The following RPS20 variants were observed in gnomAD, a reference collection of about 807,000 sequenced individuals.
The protein encoded by RPS20 is small ribosomal subunit protein uS10.
In RPS20, 3 loss-of-function variants were observed where a neutral mutation model predicts 15.3. The observed-to-expected ratio is 0.20, with a 90% confidence interval of 0.09 to 0.51. RPS20 has a LOEUF of 0.51. RPS20 is among the 20% of genes least tolerant of loss of function. The probability of loss-of-function intolerance (pLI) is 0.96; values close to 1 mark genes in which losing one functional copy is unlikely to be tolerated. For synonymous variants in RPS20, 62 were observed against 47.8 expected, an observed-to-expected ratio of 1.30 and a Z score of -1.23; for missense variants, 67 against 145.9, an observed-to-expected ratio of 0.46 and a Z score of 2.79.
downstream of RPS20, among the ~76,000 whole-genome samples, chr8:56,070,384 C>G (rs1391930390): frequency 6.6e-6 from 1 of 152,166 alleles, no homozygotes; most frequent in African/African-American, 2.4e-5. Context: ...GTACTCTTGC[C>G]TGTTCATTTT....
chr8:56,070,737 CAAA>C (rs201439919), downstream of RPS20, among the ~76,000 whole-genome samples: 2 of 119,154 alleles, frequency 1.7e-5, no homozygotes, highest in Admixed American at 8.5e-5. Flanking sequence ...CATTTAAATT[CAAA>C]AAAAAAAAAA....
downstream of RPS20, among the ~76,000 whole-genome samples, chr8:56,068,807 C>CTTTTTTTTTTTTTTTTTTT (rs61576194): frequency 4.7e-4 from 13 of 27,692 alleles, 3 homozygotes; most frequent in Non-Finnish European, 7.1e-4. Context: ...GTGAAAATAT[C>CTTTTTTTTTTTTTTTTTTT]TTTTTTTTTT....
intron 3 of RPS20, 183 bp downstream of exon 3, chr8:56,073,509 CAAT>C (rs1809829695): frequency 1.5e-6 from 1 of 650,652 alleles, no homozygotes; most frequent in South Asian, 1.8e-5. Context: ...AACACAGCAA[CAAT>C]AATTCAACAA....
At chr8:56,067,513 G>C (rs1221694108) in exon 6 of RPS20, 2 of 152,092 alleles carry the variant, frequency 1.3e-5, no homozygotes, top group Non-Finnish European at 2.9e-5. Flanking sequence ...GTGAAACTCT[G>C]TCTCTACTAA....
At chr8:56,069,490 G>A (rs999294413), downstream of RPS20, among the ~76,000 whole-genome samples, 2 of 152,224 alleles carry the variant, frequency 1.3e-5, no homozygotes, top group South Asian at 4.2e-4. Flanking sequence ...GTAGAGGCAG[G>A]GTTTCACTGT....
intron 1 of RPS20, 83 bp from the exon 2 acceptor site, chr8:56,074,242 G>T: frequency 6.6e-7 from 1 of 1,522,412 alleles, no homozygotes; most frequent in Non-Finnish European, 9.0e-7. Context: ...GAAGCTTCCC[G>T]CGTTTCCCCA....
rs147031407 is a variant in RPS20 at position 56,074,486 on chromosome 8, G to C, written c.-103C>G. 3.1e-5 allele frequency: 40 copies of C among 1,292,160 alleles called. No individual in the cohort carries two copies. The South Asian group carries it at 4.9e-4, about 16-fold the overall frequency. The allele number at this position is 1,292,160 out of a possible 1,614,324, so 80.0% of individuals were successfully genotyped here. On this transcript the variant is annotated 5_prime_UTR_variant, in exon 1 of 4. Transcript: ENST00000009589. ...CGGACCAAAAATCCTCAGCCCTTAC[G>C]ACCGCGTCTTCCTCAAAAAGAAAGG... is the stretch of plus-strand genomic sequence containing the variant.
chr8:56,074,008 T>C, intron 2 of RPS20, 52 bp downstream of exon 2: 2 of 1,375,384 alleles, frequency 1.5e-6, no homozygotes, highest in Non-Finnish European at 2.1e-6. Context: ...CGAGTAAAGC[T>C]CGTCGCTTTT....
rs976208958 is a variant in RPS20 at position 56,074,326 on chromosome 8, T to C, written c.3+55A>G. The C allele has an allele frequency of 1.9e-4, 297 of 1,543,484 alleles. No individual in the cohort carries two copies. In the African/African-American group the frequency reaches 3.3e-3, roughly 17 times the overall value. The stretch of plus-strand genomic sequence containing the variant: ...CAGGAGCACGAACTCGAAACCGGGG[T>C]CCCCCCGGCGCCCGAGCCCTGCGTT... On this transcript the variant is annotated intron_variant, in intron 1 of 3. Transcript: ENST00000009589.
downstream of RPS20, among the ~76,000 whole-genome samples, chr8:56,068,803 ATATCTTTTTTTTTTT>A (rs1315610302): frequency 3.3e-4 from 31 of 92,638 alleles, no homozygotes; most frequent in African/African-American, 1.3e-3. Context: ...CTTGGTGAAA[ATATCTTTTTTTTTTT>A]TTTTTTTTTT....
At chr8:56,074,342 G>A in intron 1 of RPS20, 39 bp downstream of exon 1, 9 of 1,548,824 alleles carry the variant, frequency 5.8e-6, no homozygotes, top group Non-Finnish European at 6.9e-6. Context: ...CGGCGCCCGA[G>A]CCCTGCGTTG....
chr8:56,068,323 A>G (rs899102484), downstream of RPS20: 1 of 152,192 alleles, frequency 6.6e-6, no homozygotes, highest in African/African-American at 2.4e-5. Context: ...GTATCACCTG[A>G]GCTCAGGAGT....
At position 56,074,260 on chromosome 8, in the gene RPS20, A is replaced by T. The variant is rs766195140; in HGVS notation, c.4-101T>A. ...GCTTCCCGCGTTTCCCCACCATTTCAGGAGCGCCTTTCCGCCCCTACACGC... is the reference window on the plus strand; with the variant it reads ...GCTTCCCGCGTTTCCCCACCATTTCTGGAGCGCCTTTCCGCCCCTACACGC... On this transcript the variant is annotated intron_variant, in intron 1 of 3. Transcript: ENST00000009589. 50 of 1,526,684 alleles carry T rather than the reference A, an allele frequency of 3.3e-5. No individual in the cohort carries two copies. The Middle Eastern group carries it at 1.3e-3, about 41-fold the overall frequency. The allele number at this position is 1,526,684 out of a possible 1,614,324, so 94.6% of individuals were successfully genotyped here.
chr8:56,073,003 ACCTT>A, downstream of RPS20: 1 of 1,521,564 alleles, frequency 6.6e-7, no homozygotes, highest in Admixed American at 2.1e-5. Flanking sequence ...CTCATAGTAC[ACCTT>A]TATATTCCTA....
rs1804372 is a variant in RPS20, at chr8:56,074,430, C to T, written c.-47G>A. The T allele has an allele frequency of 6.5e-7, 1 of 1,546,508 alleles. No individual in the cohort carries two copies. ...TGACCGACTTGTTCCTCGGCGAGAG[C>T]GAACAGCGGTGAGTCAGGAGCAGGA... On this transcript the variant is annotated 5_prime_UTR_variant, in exon 1 of 4. Transcript: ENST00000009589.
At chr8:56,069,862 ATT>A (rs1402877722), downstream of RPS20, 1 of 1,194,708 alleles carries the variant, frequency 8.4e-7, no homozygotes, top group South Asian at 1.3e-5. Context: ...CAGAAAAAAA[ATT>A]GTCTCTACTG....
At chr8:56,072,678 T>TA (rs1809798847), downstream of RPS20, 1 of 155,118 alleles carries the variant, frequency 6.4e-6, no homozygotes, top group African/African-American at 3.0e-5. Context: ...CTCTGCCACT[T>TA]AATCCTTTTT....
At chr8:56,073,048 C>T, downstream of RPS20, 2 of 1,579,242 alleles carry the variant, frequency 1.3e-6, no homozygotes, top group Non-Finnish European at 1.7e-6. Context: ...TAAAAACCAA[C>T]AGAAGTTAAC....
chr8:56,069,912 TG>T (rs1017399684), downstream of RPS20: 3 of 736,036 alleles, frequency 4.1e-6, no homozygotes, highest in African/African-American at 5.2e-5. Context: ...CATTATTCCC[TG>T]AATACAGCAT....
Sources: allele counts gnomAD v4.1 joint callset (sites outside exome capture counted in the v4.1 genomes callset), GRCh38; gene constraint gnomAD v4.1.1; transcripts MANE v1.5; gene names NCBI Gene and HGNC (gene_info 2026-07-23, HGNC 2026-07-21).